FUT9: variants seen among roughly 807,000 people sequenced by gnomAD.
FUT9 encodes the protein 4-galactosyl-N-acetylglucosaminide 3-alpha-L-fucosyltransferase 9.
A neutral mutation model predicts 29.7 loss-of-function variants in FUT9; 15 were observed. The observed-to-expected ratio is 0.51, with a 90% CI of 0.34 to 0.78. The LOEUF (loss-of-function observed/expected upper bound fraction) is 0.78, where lower values mean the gene tolerates loss of function less well. FUT9 is among the 30% of genes least tolerant of loss of function. The pLI, the probability that FUT9 is intolerant of heterozygous loss-of-function variation, is 0.01. For synonymous variants in FUT9, 169 were observed against 153.7 expected (o/e 1.10, Z -0.74); for missense variants, 319 against 425.4 (o/e 0.75, Z 2.20).
Position 96,207,238 on chromosome 6 carries a change from C to T in FUT9, c.*3003C>T, listed in dbSNP as rs927245152. 1.8e-5 allele frequency: 3 copies of T among 166,436 alleles called. No individual in the cohort carries two copies. The highest frequency in any genetic ancestry group is 2.9e-5 in the Non-Finnish European group (2 of 68,070). The allele number at this position is 166,436 out of a possible 1,614,324, so 10.3% of individuals were successfully genotyped here. A position where few individuals can be genotyped will look rare whatever the true frequency, so the allele number is the denominator to read the frequency against. The stretch of plus-strand genomic sequence containing the variant: ...ACACATTCACACACACATACACACA[C>T]ACACACACACACCCCACAGCTAGTG... On this transcript the variant is annotated 3_prime_UTR_variant, in exon 3 of 3. Transcript: ENST00000302103.
intron 2 of FUT9, among the ~76,000 whole-genome samples, chr6:96,133,194 T>G (rs1390560147): frequency 3.3e-5 from 5 of 152,056 alleles, no homozygotes; most frequent in Non-Finnish European, 7.4e-5. Context: ...GCGTGTGTAC[T>G]GGGTAATAAT....
At chr6:96,039,577 T>C (rs1770419707) in intron 1 of FUT9, among the ~76,000 whole-genome samples, 1 of 152,084 alleles carries the variant, frequency 6.6e-6, no homozygotes, top group South Asian at 2.1e-4. Context: ...TTGCTCTTCA[T>C]TTATCCAGGT....
At chr6:96,059,868 C>T (rs150751258) in intron 1 of FUT9, among the ~76,000 whole-genome samples, 11 of 152,110 alleles carry the variant, frequency 7.2e-5, no homozygotes, top group East Asian at 1.9e-4. Context: ...ATTGGAGTTG[C>T]CAAAATATTT....
At chr6:96,082,005 T>G (rs1358043968) in intron 1 of FUT9, among the ~76,000 whole-genome samples, 1 of 151,850 alleles carries the variant, frequency 6.6e-6, no homozygotes, top group Non-Finnish European at 1.5e-5. Context: ...TAAACATAAT[T>G]TTATTGATTG....
chr6:96,126,159 G>C (rs1013628181), intron 2 of FUT9, among the ~76,000 whole-genome samples: 1 of 152,160 alleles, frequency 6.6e-6, no homozygotes, highest in Non-Finnish European at 1.5e-5. Flanking sequence ...TGCTGTAAAG[G>C]ACTACCTGAG....
At chr6:96,129,101 C>CA (rs34943333) in intron 2 of FUT9, among the ~76,000 whole-genome samples, 66,420 of 134,328 alleles carry the variant, frequency 0.49, 17,447 homozygotes, top group Non-Finnish European at 0.61. Context: ...ACTAAAAATA[C>CA]AAAAAAAAAA....
At chr6:96,171,064 T>C (rs369522775) in intron 2 of FUT9, among the ~76,000 whole-genome samples, 1 of 152,120 alleles carries the variant, frequency 6.6e-6, no homozygotes, top group Admixed American at 6.5e-5. Context: ...CATACAATCC[T>C]AAGAAACAGA....
chr6:96,148,902 C>T (rs1294951301), intron 2 of FUT9, among the ~76,000 whole-genome samples: 3 of 152,128 alleles, frequency 2.0e-5, no homozygotes, highest in African/African-American at 4.8e-5. Flanking sequence ...CATTTGCAAT[C>T]CCAGCACTTT....
At chr6:96,199,003 A>G (rs148245001) in intron 2 of FUT9, among the ~76,000 whole-genome samples, 1 of 152,298 alleles carries the variant, frequency 6.6e-6, no homozygotes, top group Non-Finnish European at 1.5e-5. Flanking sequence ...AATCATGCAT[A>G]CCAAGTCTTG....
chr6:96,064,913 A>T (rs935476357), intron 1 of FUT9, among the ~76,000 whole-genome samples: 1 of 152,222 alleles, frequency 6.6e-6, no homozygotes, highest in African/African-American at 2.4e-5. Flanking sequence ...TGTATGAAGA[A>T]ATATTGTAGC....
At chr6:96,164,931 A>G (rs1772986029) in intron 2 of FUT9, among the ~76,000 whole-genome samples, 1 of 152,212 alleles carries the variant, frequency 6.6e-6, no homozygotes, top group Non-Finnish European at 1.5e-5. Context: ...TGTATGAGAC[A>G]GTGGTTTCTG....
chr6:96,166,998 G>A (rs557274577), intron 2 of FUT9, among the ~76,000 whole-genome samples: 27 of 152,156 alleles, frequency 1.8e-4, no homozygotes, highest in African/African-American at 5.3e-4. Context: ...TCAATCCACT[G>A]TCAGTTGAAT....
chr6:96,170,087 A>G (rs2127982686), intron 2 of FUT9, among the ~76,000 whole-genome samples: 1 of 152,328 alleles, frequency 6.6e-6, no homozygotes, highest in South Asian at 2.1e-4. Context: ...GTCTAATGAA[A>G]TTATAAATAT....
At chr6:96,091,888 T>A (rs1358116507) in intron 1 of FUT9, among the ~76,000 whole-genome samples, 1 of 152,138 alleles carries the variant, frequency 6.6e-6, no homozygotes, top group Non-Finnish European at 1.5e-5. Context: ...CGAGAAAATA[T>A]TTTCAGAAAT....
chr6:96,164,734 C>G (rs7761212), intron 2 of FUT9, among the ~76,000 whole-genome samples: 24,351 of 152,104 alleles, frequency 0.16, 2,164 homozygotes, highest in African/African-American at 0.19. Context: ...GGCCTGAACT[C>G]GTGTTTCTGG....
chr6:96,084,803 A>G (rs541476943), intron 1 of FUT9, among the ~76,000 whole-genome samples: 2 of 152,230 alleles, frequency 1.3e-5, no homozygotes, highest in East Asian at 1.9e-4. Context: ...TCCCATTTGT[A>G]TGTCTTCACT....
intron 1 of FUT9, among the ~76,000 whole-genome samples, chr6:96,022,770 A>G (rs1334159993): frequency 1.3e-5 from 2 of 152,008 alleles, no homozygotes; most frequent in East Asian, 3.9e-4. Context: ...ATGAAATAGT[A>G]TGCCAGACAG....
At chr6:96,131,457 C>T (rs978749457) in intron 2 of FUT9, among the ~76,000 whole-genome samples, 1 of 152,152 alleles carries the variant, frequency 6.6e-6, no homozygotes, top group Non-Finnish European at 1.5e-5. Flanking sequence ...CACACATACA[C>T]ACGAACACAC....
intron 1 of FUT9, among the ~76,000 whole-genome samples, chr6:96,065,684 G>A (rs991220579): frequency 1.3e-5 from 2 of 152,010 alleles, no homozygotes; most frequent in Non-Finnish European, 2.9e-5. Flanking sequence ...TATGTATGTA[G>A]ACAACAGCTA....
Sources: allele counts gnomAD v4.1 joint callset (sites outside exome capture counted in the v4.1 genomes callset), GRCh38; gene constraint gnomAD v4.1.1; transcripts MANE v1.5; gene names NCBI Gene and HGNC (gene_info 2026-07-23, HGNC 2026-07-21).